COL6A3: variants seen among roughly 807,000 people sequenced by gnomAD.
COL6A3 encodes collagen alpha-3(VI) chain.
COL6A3 carries 137 observed loss-of-function variants against 274.1 expected under a neutral mutation model. The observed-to-expected ratio is 0.50, with a 90% confidence interval of 0.44 to 0.58. COL6A3 has a LOEUF of 0.58. Ranked by LOEUF, COL6A3 falls within the 20% of genes least tolerant of loss-of-function variation. The pLI is 0.00. For missense variants in COL6A3, 3,950 were observed against 4,124.9 expected, an observed-to-expected ratio of 0.96 and a Z score of 1.16; for synonymous variants, 1,650 against 1,650.6, an observed-to-expected ratio of 1.00 and a Z score of 0.01.
At chr2:237,329,501 C>T (rs1353346142) in intron 42 of COL6A3, 1 of 152,210 alleles carries the variant, frequency 6.6e-6, no homozygotes, top group Non-Finnish European at 1.5e-5. Context: ...AACCAGAAAA[C>T]ATCCTCACAC....
chr2:237,402,805 G>A (rs1233863644), intron 1 of COL6A3, among the ~76,000 whole-genome samples: 1 of 152,124 alleles, frequency 6.6e-6, no homozygotes, highest in African/African-American at 2.4e-5. Context: ...TCCACCCAAG[G>A]CCTGAGCTTT....
chr2:237,364,827 G>C lies in COL6A3; in HGVS notation c.5839-399C>G, dbSNP rs1296261361. Among the ~76,000 whole-genome samples the C allele has an allele frequency of 2.0e-5, 3 of 149,598 alleles. No homozygotes were observed. Among genetic ancestry groups the C allele is most frequent in the African/African-American group, 7.4e-5 (3 of 40,514 alleles). On this transcript the variant is annotated intron_variant, in intron 12 of 43. Coordinates refer to ENST00000295550, the MANE Select transcript of COL6A3 (RefSeq NM_004369.4). This position sits in a 1 kb window ranked among gnomAD's most constrained non-coding sequence, Gnocchi z 4.6. ...CATGTGTGTGCACGTGTGTGTGCAT[G>C]TGTGGGTGTGTGGGTGTACATGTGT...
At chr2:237,388,517 A>C (rs1383123459) in intron 3 of COL6A3, among the ~76,000 whole-genome samples, 1 of 152,196 alleles carries the variant, frequency 6.6e-6, no homozygotes, top group Non-Finnish European at 1.5e-5. Flanking sequence ...CTAAATTTGG[A>C]GGGAAAAGTA....
chr2:237,368,714 C>T lies in COL6A3; in HGVS notation c.4749G>A (p.Leu1583=), dbSNP rs373686450. 7.4e-6 allele frequency: 12 copies of T among 1,614,176 alleles called. No individual in the cohort carries two copies. The highest frequency in any genetic ancestry group is 1.6e-4 in the Middle Eastern group (1 of 6,062). The change falls in exon 10 of 44, where the codon CTG becomes CTA. Residue 1583 remains leucine, a synonymous_variant. Transcript: ENST00000295550. This position sits in a 1 kb window ranked among gnomAD's most constrained non-coding sequence, Gnocchi z 4.4. ...GTCTGGGGTCATTGGTGATGGTCTG[C>T]AGCTCTGTTCTGTCGATGTTCCGGT... is the stretch of plus-strand genomic sequence containing the variant. ...VGDRNIDRTE[L]QTITNDPRLV... is the part of the protein sequence containing the mutation.
intron 1 of COL6A3, among the ~76,000 whole-genome samples, chr2:237,401,320 C>G (rs2078583481): frequency 6.6e-6 from 1 of 152,050 alleles, no homozygotes; most frequent in Non-Finnish European, 1.5e-5. Flanking sequence ...TTGTAATATC[C>G]AAAAGATGGA....
intron 28 of COL6A3, 35 bp downstream of exon 28, chr2:237,350,112 G>T: frequency 6.2e-7 from 1 of 1,608,704 alleles, no homozygotes; most frequent in Non-Finnish European, 8.5e-7. Flanking sequence ...CAAAGAGTCA[G>T]CGACAGCCTG....
intron 39 of COL6A3, among the ~76,000 whole-genome samples, chr2:237,338,008 G>A (rs577033507): frequency 1.6e-4 from 24 of 152,268 alleles, no homozygotes; most frequent in Non-Finnish European, 2.6e-4. Context: ...CTTCTTTTAC[G>A]TAATCATTTC....
chr2:237,397,121 G>A (rs2078465216), intron 1 of COL6A3, among the ~76,000 whole-genome samples: 1 of 150,686 alleles, frequency 6.6e-6, no homozygotes, highest in Non-Finnish European at 1.5e-5. Flanking sequence ...AAGGAGGGAG[G>A]GAGGGAAGGA....
Position 237,325,778 on chromosome 2 carries a change from C to T in COL6A3, c.9329-54G>A, listed in dbSNP as rs1201281076. The stretch of plus-strand genomic sequence containing the variant: ...TAATGAGAACATGCGTGTTACTCGG[C>T]TCCCAGTGCTGGGGCTGACAGTCTG... On this transcript the variant is annotated intron_variant, in intron 42 of 43. Transcript: ENST00000295550. 2.0e-6 allele frequency: 3 copies of T among 1,510,366 alleles called. No homozygotes were observed. In the Admixed American group the frequency reaches 5.1e-5, roughly 26 times the overall value. The allele number at this position is 1,510,366 out of a possible 1,614,324, so 93.6% of individuals were successfully genotyped here.
Position 237,394,544 on chromosome 2 carries a change from A to G in COL6A3, c.709+43T>C, listed in dbSNP as rs1307600713. ...CCAGCAGTTGCCAAGCTCATCTCCCAAGAACAGCAGGGCAGGGCGTAGCTT... is the reference window on the plus strand; with the variant it reads ...CCAGCAGTTGCCAAGCTCATCTCCCGAGAACAGCAGGGCAGGGCGTAGCTT... On this transcript the variant is annotated intron_variant, in intron 3 of 43. Coordinates refer to ENST00000295550, the MANE Select transcript of COL6A3 (RefSeq NM_004369.4). 3 of 1,612,674 alleles carry G rather than the reference A, an allele frequency of 1.9e-6. No homozygotes were observed. The Admixed American group carries it at 5.0e-5, about 27-fold the overall frequency.
chr2:237,391,205 C>A (rs1466887001), intron 3 of COL6A3, among the ~76,000 whole-genome samples: 3 of 151,290 alleles, frequency 2.0e-5, no homozygotes, highest in African/African-American at 4.9e-5. Flanking sequence ...GGACGTGGTA[C>A]TAGGAGGAAC....
In COL6A3 at chr2:237,374,857, G is replaced by A. The variant is rs777909478; in HGVS notation, c.3234C>T (p.Pro1078=). Residue 1078 remains proline, a synonymous_variant, in exon 8 of 44, where the codon CCC becomes CCT. Coordinates refer to ENST00000295550, the MANE Select transcript of COL6A3 (RefSeq NM_004369.4). The surrounding 1 kb of genome is among the most constrained non-coding windows in gnomAD (Gnocchi z 4.8). ...TCATGTATGAATTCAGGTAGAACTC[G>A]GGCCTGGTCCGGTCGCTGTACTGCA... ...AVVQYSDRTR[P]EFYLNSYMNK... 2.0e-5 allele frequency: 33 copies of A among 1,613,834 alleles called. No individual in the cohort carries two copies. The highest frequency in any genetic ancestry group is 2.6e-5 in the Non-Finnish European group (31 of 1,180,030).
At chr2:237,348,490 C>T (rs1466635266) in intron 29 of COL6A3, 106 bp from the exon 30 acceptor site, 1 of 1,327,262 alleles carries the variant, frequency 7.5e-7, no homozygotes, top group East Asian at 2.4e-5. Context: ...CAAACGAAAA[C>T]ACTCACTCAA....
At chr2:237,396,875 T>C in intron 1 of COL6A3, 28 bp from the exon 2 acceptor site, 1 of 1,532,562 alleles carries the variant, frequency 6.5e-7, no homozygotes, top group Non-Finnish European at 9.0e-7. Flanking sequence ...GCAAAGGGAA[T>C]GATCAGTTTT....
intron 3 of COL6A3, 42 bp downstream of exon 3, chr2:237,394,545 A>G: frequency 6.2e-7 from 1 of 1,612,880 alleles, no homozygotes; most frequent in South Asian, 1.1e-5. Flanking sequence ...TCATCTCCCA[A>G]GAACAGCAGG....
intron 39 of COL6A3, among the ~76,000 whole-genome samples, chr2:237,337,937 T>C (rs973311330): frequency 2.0e-5 from 3 of 152,024 alleles, no homozygotes; most frequent in Non-Finnish European, 4.4e-5. Context: ...CATCATTACA[T>C]GTTATCACAG....
chr2:237,381,343 G>T lies in COL6A3; in HGVS notation c.1469C>A (p.Ala490Glu), dbSNP rs754998793. ...DLIQVAVAQY[A>E]DTVRPEFYFN... ...ATAAAATTCAGGCCTCACAGTGTCT[G>T]CATACTGGGCCACTGCCACCTGGAT... is the stretch of plus-strand genomic sequence containing the variant. The change falls in exon 5 of 44, where the codon GCA (alanine) becomes GAA (glutamate). Residue 490 changes from alanine (A) to glutamate (E), a missense_variant. Physicochemically the swap from Ala to Glu is moderately radical, Grantham distance 107. Coordinates refer to ENST00000295550, the MANE Select transcript of COL6A3 (RefSeq NM_004369.4). 2 of 1,614,206 alleles carry T rather than the reference G, an allele frequency of 1.2e-6. No individual in the cohort carries two copies. Among genetic ancestry groups the T allele is most frequent in the Non-Finnish European group, 1.7e-6 (2 of 1,180,038 alleles).
chr2:237,325,920 T>G, intron 42 of COL6A3, 196 bp from the exon 43 acceptor site: 1 of 528,916 alleles, frequency 1.9e-6, no homozygotes, highest in Non-Finnish European at 3.3e-6. Flanking sequence ...CTTACAGCCT[T>G]GTGAGAGATA....
intron 9 of COL6A3, among the ~76,000 whole-genome samples, chr2:237,370,299 C>T (rs371004530): frequency 7.7e-4 from 115 of 150,060 alleles, no homozygotes; most frequent in Admixed American, 2.9e-3. Context: ...AGTGCAGTGG[C>T]GCAATCTCGG....
Sources: allele counts gnomAD v4.1 joint callset (sites outside exome capture counted in the v4.1 genomes callset), GRCh38; gene constraint gnomAD v4.1.1; non-coding constraint Gnocchi (gnomAD v3.1); transcripts MANE v1.5; gene names NCBI Gene and HGNC (gene_info 2026-07-23, HGNC 2026-07-21).